Variants in MINDY4 observed in about 807,000 individuals in gnomAD.
The protein encoded by MINDY4 is MINDY lysine 48 deubiquitinase 4.
In MINDY4, 68 loss-of-function variants were observed where a neutral mutation model predicts 87.0. That is an observed-to-expected ratio of 0.78 (90% CI 0.64 to 0.96). The LOEUF is 0.96. Ranked by LOEUF, MINDY4 falls within the 40% of genes least tolerant of loss-of-function variation. MINDY4 has a pLI of 0.00. For synonymous variants in MINDY4, 379 were observed against 363.2 expected, an observed-to-expected ratio of 1.04 and a Z score of -0.50; for missense variants, 919 against 928.2, an observed-to-expected ratio of 0.99 and a Z score of 0.13.
At position 30,872,102 on chromosome 7, in the gene MINDY4, C is replaced by T; in HGVS notation, c.1746-141C>T. On this transcript the variant is annotated intron_variant, in intron 13 of 17. Transcript: ENST00000265299. Reference sequence around the variant, plus strand: ...GTGGGAGCCTCCTCCGTGGAGGGCACAGAACAGAGCGCTCAGGTTCCCACC... The same window carrying T: ...GTGGGAGCCTCCTCCGTGGAGGGCATAGAACAGAGCGCTCAGGTTCCCACC... 3 of 765,254 alleles carry T rather than the reference C, an allele frequency of 3.9e-6. No homozygotes were observed. The South Asian group carries it at 5.0e-5, about 13-fold the overall frequency. The allele number at this position is 765,254 out of a possible 1,614,324, so 47.4% of individuals were successfully genotyped here.
intron 17 of MINDY4, among the ~76,000 whole-genome samples, chr7:30,887,469 A>G (rs556851288): frequency 9.8e-5 from 15 of 152,356 alleles, no homozygotes; most frequent in South Asian, 2.1e-4. Context: ...GTGAGCCACA[A>G]TGGCCTCTGG....
rs1457349014 is a variant in MINDY4 at position 30,889,502 on chromosome 7, G to A, written c.2226-2455G>A. 2.0e-5 allele frequency among the ~76,000 whole-genome samples: 3 copies of A among 152,178 alleles called. No homozygotes were observed. The East Asian group carries it at 5.8e-4, about 29-fold the overall frequency. On this transcript the variant is annotated intron_variant, in intron 17 of 17. Transcript: ENST00000265299. Reference sequence around the variant, plus strand: ...ATAGTATCAGCAATGGGCACTCACTGCCGAGGAGAAGTCTGACTTCACCAA... The same window carrying A: ...ATAGTATCAGCAATGGGCACTCACTACCGAGGAGAAGTCTGACTTCACCAA...
chr7:30,836,565 C>A, intron 6 of MINDY4, 93 bp from the exon 7 acceptor site: 1 of 1,031,576 alleles, frequency 9.7e-7, no homozygotes, highest in Non-Finnish European at 1.5e-6. Context: ...AAACCTTCTA[C>A]AAACTTAGCA....
chr7:30,840,427 A>G (rs1326889750), intron 8 of MINDY4, among the ~76,000 whole-genome samples: 3 of 152,324 alleles, frequency 2.0e-5, no homozygotes, highest in African/African-American at 7.2e-5. Context: ...TAACACCCTC[A>G]ACCTGTAGAC....
rs1266020669 is a variant in MINDY4 at position 30,828,811 on chromosome 7, G to A, written c.1132+74G>A. On this transcript the variant is annotated intron_variant, in intron 6 of 17. Transcript: ENST00000265299. ...TCCTCGTTGGCTCTGTCTGGGAGAT[G>A]GGTGGTCGGGGGCCCCTTTCCTTCC... The A allele has an allele frequency of 3.3e-6, 5 of 1,500,176 alleles. No individual in the cohort carries two copies. In the African/African-American group the frequency reaches 6.9e-5, roughly 21 times the overall value. 92.9% of individuals were successfully genotyped at this position (1,500,176 alleles called of 1,614,324 possible).
chr7:30,876,090 G>A (rs896692999), intron 15 of MINDY4, among the ~76,000 whole-genome samples: 1 of 152,006 alleles, frequency 6.6e-6, no homozygotes, highest in African/African-American at 2.4e-5. Context: ...GAGGCTGGAA[G>A]TCCAAGATCA....
intron 5 of MINDY4, among the ~76,000 whole-genome samples, chr7:30,794,265 C>T (rs909419779): frequency 2.6e-5 from 4 of 152,134 alleles, no homozygotes; most frequent in Non-Finnish European, 5.9e-5. Flanking sequence ...AAACATGGGT[C>T]TCAGTCCTAG....
chr7:30,875,444 T>C lies in MINDY4; in HGVS notation c.1810-51T>C, dbSNP rs570501251. The C allele has an allele frequency of 2.8e-5, 45 of 1,601,078 alleles. No individual in the cohort carries two copies. In the African/African-American group the frequency reaches 5.5e-4, roughly 20 times the overall value. ...TTTCCCCAGTCTCCTCTCCACTCTT[T>C]CAGTAACTGATTCAGACTTGATGAG... is the stretch of plus-strand genomic sequence containing the variant. On this transcript the variant is annotated intron_variant, in intron 14 of 17. Coordinates refer to ENST00000265299, the MANE Select transcript of MINDY4 (RefSeq NM_032222.3).
At chr7:30,872,699 T>G (rs1490166897) in intron 14 of MINDY4, among the ~76,000 whole-genome samples, 1 of 152,220 alleles carries the variant, frequency 6.6e-6, no homozygotes, top group East Asian at 1.9e-4. Context: ...CTTCTATGTT[T>G]GCACAAGGTA....
chr7:30,846,701 G>T (rs1232282014), intron 9 of MINDY4, among the ~76,000 whole-genome samples: 1 of 151,352 alleles, frequency 6.6e-6, no homozygotes, highest in South Asian at 2.1e-4. Flanking sequence ...TAAATCCACG[G>T]TCCCCAGCCT....
rs542004352 is a variant in MINDY4, at chr7:30,795,842, C to G, written c.1073+4268C>G. 1.4e-3 allele frequency among the ~76,000 whole-genome samples: 218 copies of G among 152,304 alleles called. 2 individuals carry two copies. The highest frequency in any genetic ancestry group is 4.9e-3 in the African/African-American group (203 of 41,574). ...TTGAAGCCAGTGACGTTGGCTGAAT[C>G]CTGCTCAGGCTGCCTTCTTTCTGCT... On this transcript the variant is annotated intron_variant, in intron 5 of 17. Transcript: ENST00000265299.
Position 30,828,318 on chromosome 7 carries a change from T to TTGTGTG in MINDY4, c.1074-335_1074-330dup, listed in dbSNP as rs60396175. 2.9e-3 allele frequency among the ~76,000 whole-genome samples: 431 copies of TTGTGTG among 147,990 alleles called. 1 individual carries two copies. The highest frequency in any genetic ancestry group is 9.6e-3 in the African/African-American group (390 of 40,494). ...TGGGCAATGATGACAAGAACTCGAT[T>TTGTGTG]TGTGTGTGTGTGTGTGTGTGTGTGT... is the stretch of plus-strand genomic sequence containing the variant. On this transcript the variant is annotated intron_variant, in intron 5 of 17. Transcript: ENST00000265299.
chr7:30,846,112 CA>C (rs1789209232), intron 9 of MINDY4, among the ~76,000 whole-genome samples: 1 of 152,154 alleles, frequency 6.6e-6, no homozygotes, highest in African/African-American at 2.4e-5. Context: ...ATTCGAGGCC[CA>C]GATAAGGAGA....
At chr7:30,884,348 C>T (rs746153790) in intron 17 of MINDY4, among the ~76,000 whole-genome samples, 2 of 152,342 alleles carry the variant, frequency 1.3e-5, no homozygotes, top group South Asian at 2.1e-4. Flanking sequence ...AGGGATGAAG[C>T]ATTCTTGCAG....
chr7:30,877,660 CTCTTCTTCT>C (rs560853626), intron 15 of MINDY4, among the ~76,000 whole-genome samples: 28 of 143,842 alleles, frequency 1.9e-4, no homozygotes, highest in Non-Finnish European at 2.8e-4. Flanking sequence ...AAGCCCTTCC[CTCTTCTTCT>C]TCTTCTTCTT....
At chr7:30,857,457 C>T (rs1481176496) in intron 12 of MINDY4, among the ~76,000 whole-genome samples, 2 of 110,400 alleles carry the variant, frequency 1.8e-5, no homozygotes, top group Admixed American at 7.8e-5. Flanking sequence ...TCCATATCCA[C>T]CTTGTTTTTT....
At position 30,892,276 on chromosome 7, in the gene MINDY4, A is replaced by G. The variant is rs999292078; in HGVS notation, c.*271A>G. 4.9e-5 allele frequency: 23 copies of G among 465,826 alleles called. No individual in the cohort carries two copies. The highest frequency in any genetic ancestry group is 8.4e-5 in the Non-Finnish European group (22 of 260,556). 28.9% of individuals were successfully genotyped at this position (465,826 alleles called of 1,614,324 possible). A position where few individuals can be genotyped will look rare whatever the true frequency, so the allele number is the denominator to read the frequency against. On this transcript the variant is annotated 3_prime_UTR_variant, in exon 18 of 18. Coordinates refer to ENST00000265299, the MANE Select transcript of MINDY4 (RefSeq NM_032222.3). ...CAGGGTCTCTGCTACCTTTGTCTGC[A>G]TCCCTCCCTTGCTCCCTGCTGGGTG...
intron 6 of MINDY4, among the ~76,000 whole-genome samples, chr7:30,835,695 C>G (rs1484774911): frequency 3.9e-5 from 6 of 152,186 alleles, no homozygotes; most frequent in African/African-American, 1.4e-4. Flanking sequence ...CCACACAGGC[C>G]CACTCTGGCA....
At chr7:30,885,782 C>A (rs1005213238) in intron 17 of MINDY4, among the ~76,000 whole-genome samples, 1 of 151,090 alleles carries the variant, frequency 6.6e-6, no homozygotes, top group Non-Finnish European at 1.5e-5. Context: ...GCCATAGGCA[C>A]TGGGCCAGGG....
Sources: gnomAD v4.1 joint callset for allele counts (sites outside exome capture counted in the v4.1 genomes callset) on GRCh38, gnomAD v4.1.1 for gene constraint, MANE v1.5 for transcripts, NCBI Gene and HGNC (gene_info 2026-07-23, HGNC 2026-07-21) for gene names.